The following KIF26B variants were observed in gnomAD, a reference collection of about 807,000 sequenced individuals.
The protein encoded by KIF26B is kinesin family member 26B.
A neutral mutation model predicts 151.2 loss-of-function variants in KIF26B; 63 were observed. The ratio of observed to expected loss-of-function variants is 0.42; its 90% confidence interval spans 0.34 to 0.51. The LOEUF (loss-of-function observed/expected upper bound fraction) is 0.51. Among genes scored for constraint, KIF26B ranks in the 20% least tolerant of loss-of-function variants. KIF26B has a pLI of 0.07. For missense variants in KIF26B, 2,813 were observed against 2,913.6 expected, an observed-to-expected ratio of 0.97 and a Z score of 0.79; for synonymous variants, 1,357 against 1,262.1, an observed-to-expected ratio of 1.08 and a Z score of -1.59.
At chr1:245,692,064 A>G (rs765130691) in intron 12 of KIF26B, among the ~76,000 whole-genome samples, 13 of 152,322 alleles carry the variant, frequency 8.5e-5, no homozygotes, top group South Asian at 8.3e-4. Flanking sequence ...TGCTGCCCAC[A>G]TCATATGAGA....
At chr1:245,158,163 A>G (rs775125747) in intron 2 of KIF26B, among the ~76,000 whole-genome samples, 1 of 152,154 alleles carries the variant, frequency 6.6e-6, no homozygotes, top group Non-Finnish European at 1.5e-5. Context: ...TGGCAGTCCT[A>G]ATACGTTACA....
At chr1:245,650,469 C>T (rs1030117699) in intron 10 of KIF26B, among the ~76,000 whole-genome samples, 4 of 152,242 alleles carry the variant, frequency 2.6e-5, no homozygotes, top group African/African-American at 7.2e-5. Context: ...TGTTATGTCC[C>T]AGCTCATCTG....
chr1:245,700,706 A>G (rs563345062), intron 14 of KIF26B, among the ~76,000 whole-genome samples: 1 of 152,164 alleles, frequency 6.6e-6, no homozygotes, highest in African/African-American at 2.4e-5. Flanking sequence ...GAGGAGTTGG[A>G]TCTTCTGTTA....
rs538292043 is a variant in KIF26B at position 245,244,509 on chromosome 1, G to C, written c.465+87826G>C. On this transcript the variant is annotated intron_variant, in intron 2 of 14. Coordinates refer to ENST00000407071, the MANE Select transcript of KIF26B (RefSeq NM_018012.4). The surrounding 1 kb of genome is among the most constrained non-coding windows in gnomAD (Gnocchi z 4.2). ...GCAGTTGGGAAAGACTTTTGCTGTAGACCAATTTTATTGTACTTAGTCGAG... is the reference window on the plus strand; with the variant it reads ...GCAGTTGGGAAAGACTTTTGCTGTACACCAATTTTATTGTACTTAGTCGAG... Among the ~76,000 whole-genome samples the C allele has an allele frequency of 6.6e-6, 1 of 152,196 alleles. No homozygotes were observed. The highest frequency in any genetic ancestry group is 1.9e-4 in the East Asian group (1 of 5,182).
intron 2 of KIF26B, among the ~76,000 whole-genome samples, chr1:245,350,566 G>A (rs1672546874): frequency 6.7e-6 from 1 of 150,202 alleles, no homozygotes; most frequent in African/African-American, 2.5e-5. Context: ...ACCATGGGTA[G>A]ACTCTGGTCT....
chr1:245,296,594 G>A (rs1671341160), intron 2 of KIF26B, among the ~76,000 whole-genome samples: 1 of 152,196 alleles, frequency 6.6e-6, no homozygotes, highest in Admixed American at 6.5e-5. Context: ...CAGATCCCCT[G>A]CTTTCCCATC....
chr1:245,543,267 T>C (rs1269731070), intron 5 of KIF26B, among the ~76,000 whole-genome samples: 1 of 152,040 alleles, frequency 6.6e-6, no homozygotes, highest in Non-Finnish European at 1.5e-5. Context: ...GACACAAAAA[T>C]AGTTTAGAGG....
intron 2 of KIF26B, among the ~76,000 whole-genome samples, chr1:245,190,952 G>C (rs1052738802): frequency 6.7e-6 from 1 of 150,222 alleles, no homozygotes; most frequent in Admixed American, 6.6e-5. Flanking sequence ...CCAGCTACTC[G>C]GGAGGCTGAG....
At chr1:245,464,899 G>C (rs1175163295) in intron 4 of KIF26B, among the ~76,000 whole-genome samples, 1 of 152,122 alleles carries the variant, frequency 6.6e-6, no homozygotes, top group Non-Finnish European at 1.5e-5. Flanking sequence ...CAGAGGCCGG[G>C]GTTCGAATGC....
chr1:245,604,774 T>C (rs181725321), intron 6 of KIF26B, among the ~76,000 whole-genome samples: 2 of 152,384 alleles, frequency 1.3e-5, no homozygotes, highest in East Asian at 3.9e-4. Flanking sequence ...CAGAATGCCT[T>C]ACTTTCATTC....
chr1:245,260,586 C>G (rs1158115927), intron 2 of KIF26B, among the ~76,000 whole-genome samples: 1 of 152,226 alleles, frequency 6.6e-6, no homozygotes, highest in Non-Finnish European at 1.5e-5. Flanking sequence ...ACTTTGGAGG[C>G]ATGTGTACCG....
At chr1:245,180,660 T>C (rs1668889612) in intron 2 of KIF26B, among the ~76,000 whole-genome samples, 1 of 151,784 alleles carries the variant, frequency 6.6e-6, no homozygotes, top group African/African-American at 2.4e-5. Context: ...TGGTCCGGAG[T>C]ACTGTGTTAG....
intron 12 of KIF26B, among the ~76,000 whole-genome samples, 166 bp from the exon 13 acceptor site, chr1:245,697,940 C>A (rs747247105): frequency 6.7e-6 from 1 of 148,282 alleles, no homozygotes; most frequent in Admixed American, 6.8e-5. Flanking sequence ...ACTTAGGAGG[C>A]TGAGACAAGA....
intron 4 of KIF26B, among the ~76,000 whole-genome samples, chr1:245,521,890 G>C (rs575098336): frequency 1.3e-5 from 2 of 149,940 alleles, no homozygotes; most frequent in African/African-American, 4.8e-5. Flanking sequence ...TTTTGAGATG[G>C]AGTCTTGCTC....
chr1:245,210,382 G>A (rs1047920345), intron 2 of KIF26B, among the ~76,000 whole-genome samples: 6 of 152,184 alleles, frequency 3.9e-5, no homozygotes, highest in Admixed American at 3.3e-4. Flanking sequence ...GCTTGCGGCT[G>A]CTGGATTACT....
At chr1:245,425,696 C>T (rs1476387811) in intron 4 of KIF26B, among the ~76,000 whole-genome samples, 1 of 152,222 alleles carries the variant, frequency 6.6e-6, no homozygotes, top group Non-Finnish European at 1.5e-5. Flanking sequence ...TGAGCCATGG[C>T]GCCCAGCTGT....
intron 9 of KIF26B, among the ~76,000 whole-genome samples, chr1:245,632,108 C>A (rs544563334): frequency 4.0e-5 from 6 of 151,842 alleles, no homozygotes; most frequent in Non-Finnish European, 5.9e-5. Flanking sequence ...TTTTTAGTTC[C>A]TTGAGATGCA....
Position 245,625,271 on chromosome 1 carries a change from A to G in KIF26B, c.2098+13295A>G, listed in dbSNP as rs374285820. On this transcript the variant is annotated intron_variant, in intron 9 of 14. Coordinates refer to ENST00000407071, the MANE Select transcript of KIF26B (RefSeq NM_018012.4). ...TATTTGGCATTTCCATACAAATTTTAGAGTCGCTTTCTAAATGGATTACGT... is the reference window on the plus strand; with the variant it reads ...TATTTGGCATTTCCATACAAATTTTGGAGTCGCTTTCTAAATGGATTACGT... Among the ~76,000 whole-genome samples, 33 of 152,286 alleles carry G rather than the reference A, an allele frequency of 2.2e-4. 1 individual carries two copies. The East Asian group carries it at 5.8e-3, about 27-fold the overall frequency.
chr1:245,237,031 C>T, intron 2 of KIF26B, among the ~76,000 whole-genome samples: 1 of 152,230 alleles, frequency 6.6e-6, no homozygotes, highest in Non-Finnish European at 1.5e-5. Flanking sequence ...GCTTCTAAGG[C>T]TCACAACGTA....
Sources: gnomAD v4.1 joint callset for allele counts (sites outside exome capture counted in the v4.1 genomes callset) on GRCh38, gnomAD v4.1.1 for gene constraint, Gnocchi (gnomAD v3.1) non-coding constraint, MANE v1.5 for transcripts, NCBI Gene and HGNC (gene_info 2026-07-23, HGNC 2026-07-21) for gene names.